The following MGAT4C variants were observed in gnomAD, a reference collection of about 807,000 sequenced individuals.
The protein encoded by MGAT4C is alpha-1,3-mannosyl-glycoprotein 4-beta-N-acetylglucosaminyltransferase C.
In MGAT4C, 19 loss-of-function variants were observed where a neutral mutation model predicts 40.1. The observed-to-expected ratio is 0.47, with a 90% CI of 0.33 to 0.70. MGAT4C has a LOEUF of 0.70. MGAT4C is among the 30% of genes least tolerant of loss of function. The pLI, the probability that MGAT4C is intolerant of heterozygous loss-of-function variation, is 0.02. For synonymous variants in MGAT4C, 181 were observed against 187.1 expected (o/e 0.97, Z 0.27); for missense variants, 491 against 563.2 (o/e 0.87, Z 1.30).
intron 1 of MGAT4C, among the ~76,000 whole-genome samples, chr12:86,747,783 A>T (rs113131907): frequency 0.026 from 3,916 of 150,490 alleles, 140 homozygotes; most frequent in African/African-American, 0.081. Flanking sequence ...TTTTTTTTTT[A>T]AAAAAAAGCT....
Position 86,124,337 on chromosome 12 carries a change from CA to C in MGAT4C, c.-56-74615del, listed in dbSNP as rs1304333105. Among the ~76,000 whole-genome samples the C allele has an allele frequency of 4.6e-5, 7 of 152,214 alleles. No individual in the cohort carries two copies. In the East Asian group the frequency reaches 1.4e-3, roughly 29 times the overall value. On this transcript the variant is annotated intron_variant, in intron 1 of 4. Transcript: ENST00000611864. ...TAGGATAGATTACTTAAAAACATGT[CA>C]AGTGTTACGCTGAGTGCAGAACAGA...
At chr12:86,052,773 A>G (rs779060383) in intron 1 of MGAT4C, among the ~76,000 whole-genome samples, 1 of 152,006 alleles carries the variant, frequency 6.6e-6, no homozygotes, top group African/African-American at 2.4e-5. Context: ...TAAACTGACA[A>G]TTCTTCACTG....
intron 2 of MGAT4C, among the ~76,000 whole-genome samples, chr12:86,579,189 G>T (rs145785517): frequency 6.6e-6 from 1 of 151,472 alleles, no homozygotes; most frequent in East Asian, 2.0e-4. Context: ...TGGTCATTTT[G>T]TTATTGGTTT....
intron 2 of MGAT4C, among the ~76,000 whole-genome samples, chr12:86,627,828 G>A (rs1565891925): frequency 1.3e-5 from 2 of 152,148 alleles, no homozygotes; most frequent in Non-Finnish European, 2.9e-5. Flanking sequence ...AAACCAGAGT[G>A]CGCCTTCTCC....
chr12:86,667,456 T>C (rs1386063615), intron 2 of MGAT4C, among the ~76,000 whole-genome samples: 1 of 152,194 alleles, frequency 6.6e-6, no homozygotes, highest in Non-Finnish European at 1.5e-5. Context: ...CGTACTCCTA[T>C]TATCTGAACA....
At chr12:86,736,989 A>G (rs896237659) in intron 1 of MGAT4C, among the ~76,000 whole-genome samples, 1 of 150,418 alleles carries the variant, frequency 6.6e-6, no homozygotes, top group African/African-American at 2.4e-5. Flanking sequence ...CATATCCATC[A>G]ACATCAAGCT....
intron 2 of MGAT4C, among the ~76,000 whole-genome samples, chr12:86,585,420 G>T (rs962304274): frequency 2.6e-5 from 4 of 151,254 alleles, no homozygotes; most frequent in Admixed American, 2.0e-4. Flanking sequence ...AATGTAAAAT[G>T]ATCAAAATGA....
intron 2 of MGAT4C, among the ~76,000 whole-genome samples, chr12:86,715,610 T>A (rs1950632851): frequency 6.6e-6 from 1 of 152,122 alleles, no homozygotes. Context: ...CAAGCTTCAA[T>A]CGCAAAGCTG....
intron 4 of MGAT4C, among the ~76,000 whole-genome samples, chr12:86,319,664 A>C (rs748610723): frequency 5.9e-5 from 9 of 152,134 alleles, no homozygotes; most frequent in Non-Finnish European, 1.2e-4. Context: ...TGAATTCCTA[A>C]CACTTAAAAT....
chr12:86,488,617 TTC>T (rs1475209308), intron 2 of MGAT4C, among the ~76,000 whole-genome samples: 1 of 152,116 alleles, frequency 6.6e-6, no homozygotes, highest in African/African-American at 2.4e-5. Context: ...TGGTCTTCAG[TTC>T]TCTGATTTTT....
At chr12:86,659,028 C>A (rs1401100832) in intron 2 of MGAT4C, among the ~76,000 whole-genome samples, 2 of 152,024 alleles carry the variant, frequency 1.3e-5, no homozygotes, top group Admixed American at 6.6e-5. Context: ...GTAATATTAG[C>A]AATAATTAAA....
chr12:86,515,096 G>A (rs1958659580), intron 2 of MGAT4C, among the ~76,000 whole-genome samples: 1 of 152,206 alleles, frequency 6.6e-6, no homozygotes, highest in Admixed American at 6.5e-5. Flanking sequence ...GAATCAGGAT[G>A]TGGATATTTG....
chr12:86,811,499 G>A (rs1377831948), intron 1 of MGAT4C, among the ~76,000 whole-genome samples: 1 of 150,290 alleles, frequency 6.7e-6, no homozygotes, highest in African/African-American at 2.4e-5. Context: ...CTGACACCAC[G>A]CCCAGCAAAT....
intron 1 of MGAT4C, among the ~76,000 whole-genome samples, chr12:86,118,329 T>C (rs1592987979): frequency 2.0e-5 from 3 of 152,152 alleles, no homozygotes; most frequent in African/African-American, 7.2e-5. Context: ...ATGTTATAGA[T>C]GACAAAAAAT....
chr12:86,227,655 G>T (rs1415507044), intron 1 of MGAT4C, among the ~76,000 whole-genome samples: 2 of 151,762 alleles, frequency 1.3e-5, no homozygotes, highest in Non-Finnish European at 2.9e-5. Context: ...TACATCATTA[G>T]TATCTGTCAT....
At chr12:86,363,000 A>C (rs901678722) in intron 3 of MGAT4C, among the ~76,000 whole-genome samples, 8 of 152,162 alleles carry the variant, frequency 5.3e-5, no homozygotes, top group African/African-American at 1.9e-4. Flanking sequence ...AAGAAGTAAT[A>C]GTAATACCAA....
chr12:86,298,648 G>T (rs1474577194), intron 4 of MGAT4C, among the ~76,000 whole-genome samples: 1 of 152,084 alleles, frequency 6.6e-6, no homozygotes, highest in Non-Finnish European at 1.5e-5. Flanking sequence ...GTGAAAAATT[G>T]TTTTGGAGAA....
chr12:86,512,511 C>T (rs1364828270), intron 2 of MGAT4C, among the ~76,000 whole-genome samples: 7 of 151,918 alleles, frequency 4.6e-5, no homozygotes, highest in Admixed American at 3.9e-4. Flanking sequence ...TTCATAATGG[C>T]CGAAGTATGG....
At chr12:86,758,534 T>C (rs1209741327) in intron 1 of MGAT4C, among the ~76,000 whole-genome samples, 1 of 152,010 alleles carries the variant, frequency 6.6e-6, no homozygotes, top group East Asian at 1.9e-4. Flanking sequence ...CTTCCCTTTA[T>C]AGATAAGAAA....
Sources: gnomAD v4.1 joint callset for allele counts (sites outside exome capture counted in the v4.1 genomes callset) on GRCh38, gnomAD v4.1.1 for gene constraint, MANE v1.5 for transcripts, NCBI Gene and HGNC (gene_info 2026-07-23, HGNC 2026-07-21) for gene names.